SETBP1: variants seen among roughly 807,000 people sequenced by gnomAD.
SETBP1 encodes the protein SET-binding protein.
Under a neutral mutation model 101.0 loss-of-function variants are expected in SETBP1, and 9 were observed. The observed-to-expected ratio is 0.09, with a 90% CI of 0.05 to 0.16. SETBP1 has a LOEUF of 0.16. Among genes scored for constraint, SETBP1 ranks in the 10% least tolerant of loss-of-function variants. SETBP1 has a pLI of 1.00. For missense variants in SETBP1, 1,858 were observed against 2,033.8 expected, an observed-to-expected ratio of 0.91 and a Z score of 1.66; for synonymous variants, 818 against 788.5, an observed-to-expected ratio of 1.04 and a Z score of -0.63.
At chr18:44,851,858 TGCTAAG>T (rs1846356020) in intron 2 of SETBP1, among the ~76,000 whole-genome samples, 1 of 152,192 alleles carries the variant, frequency 6.6e-6, no homozygotes, top group Non-Finnish European at 1.5e-5. Context: ...TCCTCAAGGT[TGCTAAG>T]CCTCACACCG....
chr18:44,920,982 C>T (rs2070567890), intron 3 of SETBP1, among the ~76,000 whole-genome samples: 1 of 152,158 alleles, frequency 6.6e-6, no homozygotes, highest in Non-Finnish European at 1.5e-5. Context: ...TAGCGCTGAA[C>T]TGACAAGTCT....
intron 4 of SETBP1, among the ~76,000 whole-genome samples, chr18:45,028,580 C>T (rs1374291144): frequency 2.0e-5 from 3 of 152,168 alleles, no homozygotes; most frequent in Non-Finnish European, 4.4e-5. Flanking sequence ...CCCGAGGAAT[C>T]GCCACACTGA....
chr18:44,799,583 G>A (rs893241047), intron 2 of SETBP1, among the ~76,000 whole-genome samples: 11 of 151,120 alleles, frequency 7.3e-5, no homozygotes, highest in African/African-American at 2.7e-4. Flanking sequence ...AGCATCACAG[G>A]GATAGTAATA....
chr18:44,826,843 C>G (rs911583770), intron 2 of SETBP1, among the ~76,000 whole-genome samples: 1 of 152,194 alleles, frequency 6.6e-6, no homozygotes, highest in Non-Finnish European at 1.5e-5. Context: ...CAGCCTCAGC[C>G]TGGCCCTTCT....
intron 2 of SETBP1, among the ~76,000 whole-genome samples, chr18:44,825,383 G>A (rs1021369245): frequency 3.3e-5 from 5 of 152,162 alleles, no homozygotes; most frequent in Non-Finnish European, 5.9e-5. Flanking sequence ...TTGTTTAACC[G>A]AGAGCACAGG....
chr18:44,721,204 C>T (rs2069586502), intron 2 of SETBP1, among the ~76,000 whole-genome samples: 1 of 152,128 alleles, frequency 6.6e-6, no homozygotes, highest in Non-Finnish European at 1.5e-5. Flanking sequence ...CTTAAGAATT[C>T]ATAAGCATCT....
intron 2 of SETBP1, among the ~76,000 whole-genome samples, chr18:44,823,834 C>G (rs2072171599): frequency 6.6e-6 from 1 of 152,158 alleles, no homozygotes; most frequent in Non-Finnish European, 1.5e-5. Context: ...CCTCATTGTT[C>G]TGCTTAGTTG....
intron 2 of SETBP1, among the ~76,000 whole-genome samples, chr18:44,779,641 C>T (rs562537973): frequency 6.6e-6 from 1 of 152,036 alleles, no homozygotes; most frequent in Non-Finnish European, 1.5e-5. Flanking sequence ...AGGTGGCTTA[C>T]CTAGGCTGCC....
intron 5 of SETBP1, among the ~76,000 whole-genome samples, chr18:45,040,958 C>T (rs1169709502): frequency 6.6e-6 from 1 of 152,222 alleles, no homozygotes; most frequent in East Asian, 1.9e-4. Context: ...GACAGACCTT[C>T]CTGAGATTTC....
chr18:44,844,146 G>T (rs1240258960), intron 2 of SETBP1, among the ~76,000 whole-genome samples: 1 of 152,078 alleles, frequency 6.6e-6, no homozygotes, highest in Non-Finnish European at 1.5e-5. Flanking sequence ...TAAATTGGTT[G>T]TTAATTAAAG....
At chr18:44,921,555 A>G (rs1482583386) in intron 3 of SETBP1, among the ~76,000 whole-genome samples, 1 of 152,152 alleles carries the variant, frequency 6.6e-6, no homozygotes, top group Non-Finnish European at 1.5e-5. Context: ...GAACAAAAAT[A>G]CTTTGCTTTC....
chr18:44,922,606 G>A (rs1403309122), intron 3 of SETBP1, among the ~76,000 whole-genome samples: 1 of 152,132 alleles, frequency 6.6e-6, no homozygotes, highest in Non-Finnish European at 1.5e-5. Flanking sequence ...GTTTTGTGTG[G>A]CCCAGTTAAA....
chr18:44,993,516 T>C (rs2072425840), intron 4 of SETBP1, among the ~76,000 whole-genome samples: 1 of 151,916 alleles, frequency 6.6e-6, no homozygotes, highest in Admixed American at 6.6e-5. Flanking sequence ...TGTATAGAAA[T>C]GAATACTTGA....
chr18:44,951,606 C>A lies in SETBP1; in HGVS notation c.2266C>A (p.Pro756Thr). The A allele has an allele frequency of 6.2e-7, 1 of 1,614,160 alleles. No homozygotes were observed. Among genetic ancestry groups the A allele is most frequent in the Admixed American group, 1.7e-5 (1 of 60,030 alleles). ...GCACCCCAGGCCTGTTTCTAGCCAG[C>A]CGGATGTTCCAGCCGTGCCTTCCAA... ...IKHPRPVSSQ[P>T]DVPAVPSNFQ... The change falls in exon 4 of 6, where the codon CCG becomes ACG. Residue 756 changes from proline to threonine, a missense_variant. Physicochemically the swap from Pro to Thr is conservative, Grantham distance 38. Around this residue, in one of 12 missense-constraint regions of SETBP1, gnomAD observed 121 missense variants for 138.0 expected, o/e 0.88. Coordinates refer to ENST00000649279, the MANE Select transcript of SETBP1 (RefSeq NM_015559.3). The surrounding 1 kb of genome is among the most constrained non-coding windows in gnomAD (Gnocchi z 7.8).
chr18:44,793,940 A>G (rs550012985), intron 2 of SETBP1, among the ~76,000 whole-genome samples: 6 of 152,334 alleles, frequency 3.9e-5, no homozygotes, highest in Admixed American at 1.3e-4. Context: ...ACAGTACAGA[A>G]TATGTTAATT....
In SETBP1 at chr18:44,952,436, G is replaced by C. The variant is rs751694843; in HGVS notation, c.3096G>C (p.Val1032=). 6 of 1,614,110 alleles carry C rather than the reference G, an allele frequency of 3.7e-6. No homozygotes were observed. The highest frequency in any genetic ancestry group is 5.1e-6 in the Non-Finnish European group (6 of 1,180,032). The change falls in exon 4 of 6, where the codon GTG becomes GTC. Residue 1032 remains valine, a synonymous_variant. Coordinates refer to ENST00000649279, the MANE Select transcript of SETBP1 (RefSeq NM_015559.3). ...AAACCAATGACACCATGACAAAGGT[G>C]CCTTTTTTACAAGGGTTCAGCTACC... ...PAKTNDTMTK[V]PFLQGFSYPI... is the part of the protein sequence containing the mutation.
intron 2 of SETBP1, among the ~76,000 whole-genome samples, chr18:44,771,597 C>T (rs950558300): frequency 1.3e-5 from 2 of 152,294 alleles, no homozygotes; most frequent in South Asian, 2.1e-4. Context: ...GAACTGGACA[C>T]AGGGTCAGAG....
intron 2 of SETBP1, among the ~76,000 whole-genome samples, chr18:44,838,452 T>C (rs1256986721): frequency 6.6e-6 from 1 of 152,182 alleles, no homozygotes; most frequent in Non-Finnish European, 1.5e-5. Flanking sequence ...GGGAAGGAGC[T>C]GGGACACCAT....
At chr18:44,944,015 G>A (rs2071147515) in intron 3 of SETBP1, among the ~76,000 whole-genome samples, 2 of 151,576 alleles carry the variant, frequency 1.3e-5, no homozygotes, top group South Asian at 2.1e-4. Flanking sequence ...TTGTATTTTT[G>A]TAGAGACAGG....
Sources: allele counts gnomAD v4.1 joint callset (sites outside exome capture counted in the v4.1 genomes callset), GRCh38; gene constraint gnomAD v4.1.1; regional missense constraint gnomAD v4.1.1; non-coding constraint Gnocchi (gnomAD v3.1); transcripts MANE v1.5; gene names NCBI Gene and HGNC (gene_info 2026-07-23, HGNC 2026-07-21).